The following STPG2 variants were observed in gnomAD, a reference collection of about 807,000 sequenced individuals.
STPG2 encodes the protein sperm-tail PG-rich repeat-containing protein 2.
STPG2 carries 56 observed loss-of-function variants against 54.2 expected under a neutral mutation model. The ratio of observed to expected loss-of-function variants is 1.03; its 90% CI spans 0.83 to 1.29. The LOEUF is 1.29. Among genes scored for constraint, STPG2 ranks in the 50% most tolerant of loss-of-function variants. STPG2 has a pLI of 0.00. For synonymous variants in STPG2, 200 were observed against 181.8 expected (o/e 1.10, Z -0.81); for missense variants, 596 against 544.9 (o/e 1.09, Z -0.93).
At chr4:98,004,960 T>C (rs1735531711) in intron 5 of STPG2, among the ~76,000 whole-genome samples, 1 of 139,256 alleles carries the variant, frequency 7.2e-6, no homozygotes, top group African/African-American at 2.8e-5. Flanking sequence ...TTGACTATTT[T>C]CTTTGCTGTT....
At chr4:97,987,995 C>T in intron 5 of STPG2, among the ~76,000 whole-genome samples, 1 of 146,682 alleles carries the variant, frequency 6.8e-6, no homozygotes, top group East Asian at 2.2e-4. Context: ...AATCTCAGAA[C>T]ATAAGTCAAA....
chr4:97,605,822 A>G (rs1201238408), intron 10 of STPG2, among the ~76,000 whole-genome samples: 2 of 151,616 alleles, frequency 1.3e-5, no homozygotes, highest in Non-Finnish European at 3.0e-5. Flanking sequence ...AAAAAAAGAA[A>G]AAAAAAATCT....
At chr4:97,706,181 C>T (rs1387385212) in intron 10 of STPG2, among the ~76,000 whole-genome samples, 2 of 152,062 alleles carry the variant, frequency 1.3e-5, no homozygotes, top group African/African-American at 4.8e-5. Flanking sequence ...GGAAGGGTAG[C>T]CCTTCTGAAA....
intron 10 of STPG2, among the ~76,000 whole-genome samples, chr4:97,594,291 T>C (rs1368469645): frequency 6.6e-6 from 1 of 152,126 alleles, no homozygotes; most frequent in Non-Finnish European, 1.5e-5. Context: ...AAAATAACCA[T>C]TTTAAGAAAG....
chr4:97,538,739 G>A (rs1731606933), intron 4 of STPG2, among the ~76,000 whole-genome samples: 2 of 152,262 alleles, frequency 1.3e-5, no homozygotes, highest in Middle Eastern at 3.4e-3. Flanking sequence ...ACACATAATT[G>A]TCAGATTCAC....
intron 9 of STPG2, among the ~76,000 whole-genome samples, chr4:97,832,476 T>C (rs1728499098): frequency 1.3e-5 from 2 of 152,094 alleles, no homozygotes; most frequent in African/African-American, 4.8e-5. Flanking sequence ...TGCCCTCTCT[T>C]ACCACTCCTA....
intron 8 of STPG2, among the ~76,000 whole-genome samples, chr4:97,858,487 G>A (rs1380683263): frequency 1.3e-5 from 2 of 152,106 alleles, no homozygotes; most frequent in Non-Finnish European, 2.9e-5. Flanking sequence ...TAATTTCTGA[G>A]ATTTTGGTGT....
At chr4:97,860,036 A>C (rs1729466951) in intron 8 of STPG2, among the ~76,000 whole-genome samples, 1 of 152,176 alleles carries the variant, frequency 6.6e-6, no homozygotes, top group South Asian at 2.1e-4. Context: ...CAGTTGCCTG[A>C]AAGAATTTGG....
At chr4:98,031,137 AAAACAT>A (rs1736584094) in intron 5 of STPG2, among the ~76,000 whole-genome samples, 1 of 152,304 alleles carries the variant, frequency 6.6e-6, no homozygotes, top group East Asian at 1.9e-4. Flanking sequence ...TCAACAAACA[AAAACAT>A]AAAGTGGTGA....
intron 7 of STPG2, among the ~76,000 whole-genome samples, chr4:97,951,436 T>C (rs114244143): frequency 1.3e-5 from 2 of 152,304 alleles, no homozygotes; most frequent in Non-Finnish European, 2.9e-5. Context: ...TTCCTTCTCA[T>C]TTGGGTATAC....
chr4:98,140,328 T>C (rs6532725), intron 1 of STPG2, among the ~76,000 whole-genome samples: 60,072 of 151,950 alleles, frequency 0.4, 12,125 homozygotes, highest in African/African-American at 0.45. Context: ...GGAGTTTAGA[T>C]GTTAACCTTG....
At chr4:98,033,581 G>A (rs1389736290) in intron 5 of STPG2, among the ~76,000 whole-genome samples, 1 of 152,104 alleles carries the variant, frequency 6.6e-6, no homozygotes, top group East Asian at 1.9e-4. Context: ...GAAAAAGAGG[G>A]AATCCTTCCT....
At chr4:98,034,626 A>G (rs978995483) in intron 5 of STPG2, among the ~76,000 whole-genome samples, 1 of 152,230 alleles carries the variant, frequency 6.6e-6, no homozygotes, top group African/African-American at 2.4e-5. Flanking sequence ...ACCAAAAAAG[A>G]GCCCTCATAG....
intron 5 of STPG2, among the ~76,000 whole-genome samples, chr4:97,990,916 C>T (rs1198344110): frequency 6.6e-6 from 1 of 151,968 alleles, no homozygotes; most frequent in Non-Finnish European, 1.5e-5. Context: ...TTATTACTAC[C>T]ATTTTTTTCT....
intron 5 of STPG2, among the ~76,000 whole-genome samples, chr4:97,995,852 G>C (rs1287925679): frequency 6.6e-6 from 1 of 151,934 alleles, no homozygotes; most frequent in Non-Finnish European, 1.5e-5. Flanking sequence ...GTTGAAGGAA[G>C]GCATGGTGGG....
intron 10 of STPG2, among the ~76,000 whole-genome samples, chr4:97,677,818 G>T (rs917878477): frequency 7.2e-5 from 11 of 152,076 alleles, no homozygotes; most frequent in African/African-American, 2.7e-4. Flanking sequence ...TGAGCCTTAA[G>T]CTCCCTACCT....
At chr4:97,708,243 G>A (rs1372557497) in intron 10 of STPG2, among the ~76,000 whole-genome samples, 1 of 151,478 alleles carries the variant, frequency 6.6e-6, no homozygotes, top group Non-Finnish European at 1.5e-5. Context: ...TGGTTTTTTT[G>A]AAAAATAAAA....
At chr4:97,836,603 C>T (rs1312622468) in intron 9 of STPG2, among the ~76,000 whole-genome samples, 2 of 151,674 alleles carry the variant, frequency 1.3e-5, no homozygotes, top group Non-Finnish European at 2.9e-5. Context: ...TCAGTGAAGC[C>T]TTCCCCATTA....
chr4:97,797,821 CT>C (rs1560532508), intron 9 of STPG2, among the ~76,000 whole-genome samples: 2 of 152,194 alleles, frequency 1.3e-5, no homozygotes, highest in African/African-American at 4.8e-5. Flanking sequence ...TGGTCCTGGA[CT>C]TTTTTTGGTT....
Sources: allele counts gnomAD v4.1 joint callset (sites outside exome capture counted in the v4.1 genomes callset), GRCh38; gene constraint gnomAD v4.1.1; transcripts MANE v1.5; gene names NCBI Gene and HGNC (gene_info 2026-07-23, HGNC 2026-07-21).